POU6F2: variants seen among roughly 807,000 people sequenced by gnomAD.
POU6F2 encodes the protein POU domain, class 6, transcription factor 2.
POU6F2 carries 31 observed loss-of-function variants against 71.3 expected under a neutral mutation model. The observed-to-expected ratio is 0.43, with a 90% CI of 0.33 to 0.59. The LOEUF (loss-of-function observed/expected upper bound fraction) is 0.59, where lower values mean the gene tolerates loss of function less well. Ranked by LOEUF, POU6F2 falls within the 20% of genes least tolerant of loss-of-function variation. POU6F2 has a pLI of 0.04. For synonymous variants in POU6F2, 347 were observed against 355.7 expected (o/e 0.98, Z 0.27); for missense variants, 783 against 856.8 (o/e 0.91, Z 1.07).
At chr7:39,252,702 T>A (rs1000035735) in intron 4 of POU6F2, among the ~76,000 whole-genome samples, 15 of 152,170 alleles carry the variant, frequency 9.9e-5, no homozygotes, top group Non-Finnish European at 2.1e-4. Context: ...TTGTGCTTGC[T>A]GTTCCTTCCC....
At chr7:39,425,175 G>A (rs879295664) in intron 6 of POU6F2, among the ~76,000 whole-genome samples, 5 of 151,900 alleles carry the variant, frequency 3.3e-5, no homozygotes, top group Non-Finnish European at 5.9e-5. Flanking sequence ...ATTAAGATCT[G>A]ATAGAATCTC....
At chr7:39,211,598 A>T (rs184924597) in intron 4 of POU6F2, among the ~76,000 whole-genome samples, 1 of 152,290 alleles carries the variant, frequency 6.6e-6, no homozygotes, top group East Asian at 1.9e-4. Flanking sequence ...CAAGAAAGAG[A>T]TTGATTCCTG....
intron 2 of POU6F2, among the ~76,000 whole-genome samples, chr7:39,196,234 T>C (rs1584595516): frequency 6.6e-6 from 1 of 152,330 alleles, no homozygotes; most frequent in East Asian, 1.9e-4. Flanking sequence ...GTGACACCTT[T>C]CGAATGCTTC....
intron 4 of POU6F2, among the ~76,000 whole-genome samples, chr7:39,295,926 C>T (rs1287071188): frequency 6.6e-6 from 1 of 152,202 alleles, no homozygotes. Flanking sequence ...AGCTGCATTT[C>T]CCTGTTATCA....
chr7:39,126,615 C>T (rs1179052339), intron 2 of POU6F2, among the ~76,000 whole-genome samples: 1 of 152,024 alleles, frequency 6.6e-6, no homozygotes, highest in Non-Finnish European at 1.5e-5. Flanking sequence ...TAAGACTGGC[C>T]TAAGATTTTC....
intron 2 of POU6F2, among the ~76,000 whole-genome samples, chr7:39,164,519 C>A (rs1442683668): frequency 1.3e-5 from 2 of 150,844 alleles, no homozygotes; most frequent in Non-Finnish European, 3.0e-5. Context: ...GGAAGGTCCC[C>A]ATTAGCAATA....
chr7:39,026,477 A>G (rs1305969604), intron 1 of POU6F2, among the ~76,000 whole-genome samples: 2 of 152,156 alleles, frequency 1.3e-5, no homozygotes, highest in African/African-American at 2.4e-5. Flanking sequence ...GGAAATCATC[A>G]TTCTCAGTAA....
intron 4 of POU6F2, among the ~76,000 whole-genome samples, chr7:39,212,927 A>T (rs1265166241): frequency 6.6e-6 from 1 of 152,218 alleles, no homozygotes; most frequent in East Asian, 1.9e-4. Context: ...ATGAAGATAT[A>T]TACAGCCTCG....
At chr7:39,249,908 G>A (rs1783884268) in intron 4 of POU6F2, among the ~76,000 whole-genome samples, 1 of 152,274 alleles carries the variant, frequency 6.6e-6, no homozygotes, top group South Asian at 2.1e-4. Flanking sequence ...AATTTTGCAT[G>A]AGCCTTTCAC....
chr7:39,358,873 T>TAAAAA (rs10626884), intron 5 of POU6F2, among the ~76,000 whole-genome samples: 3 of 134,408 alleles, frequency 2.2e-5, no homozygotes, highest in Non-Finnish European at 3.2e-5. Flanking sequence ...CTTCTGTATT[T>TAAAAA]AAAAAAAAAA....
intron 5 of POU6F2, among the ~76,000 whole-genome samples, chr7:39,377,426 C>CG (rs1371344112): frequency 6.6e-6 from 1 of 152,104 alleles, no homozygotes; most frequent in African/African-American, 2.4e-5. Flanking sequence ...CCACCATGCA[C>CG]GGCCTATAAT....
chr7:39,393,277 G>A (rs982357744), intron 5 of POU6F2, among the ~76,000 whole-genome samples: 1 of 152,054 alleles, frequency 6.6e-6, no homozygotes, highest in Admixed American at 6.6e-5. Context: ...CTACACAGTC[G>A]TATTTTCTCT....
At chr7:39,418,997 G>GTT (rs199709252) in intron 6 of POU6F2, among the ~76,000 whole-genome samples, 34,766 of 130,600 alleles carry the variant, frequency 0.27, 4,893 homozygotes, top group East Asian at 0.51. Flanking sequence ...GTATATATGT[G>GTT]TATATATGTG....
chr7:39,317,886 C>T (rs1373682049), intron 4 of POU6F2, among the ~76,000 whole-genome samples: 1 of 152,100 alleles, frequency 6.6e-6, no homozygotes. Context: ...ATCTCTAATT[C>T]TCATACATTT....
At chr7:39,071,396 G>A (rs946391873) in intron 1 of POU6F2, among the ~76,000 whole-genome samples, 7 of 151,964 alleles carry the variant, frequency 4.6e-5, no homozygotes, top group African/African-American at 1.7e-4. Flanking sequence ...CTTGCCCACC[G>A]CTCTCCTCCT....
chr7:39,239,438 T>G (rs746205754), intron 4 of POU6F2, among the ~76,000 whole-genome samples: 2 of 152,202 alleles, frequency 1.3e-5, no homozygotes, highest in Admixed American at 6.6e-5. Context: ...CCACTTAGTA[T>G]GAAAAGTCAT....
intron 5 of POU6F2, among the ~76,000 whole-genome samples, chr7:39,356,080 G>A (rs1430337172): frequency 2.0e-5 from 3 of 152,192 alleles, no homozygotes; most frequent in Non-Finnish European, 1.5e-5. Context: ...CCAAGGCAGA[G>A]CTATCACCAT....
At chr7:39,225,051 C>G (rs1794435635) in intron 4 of POU6F2, among the ~76,000 whole-genome samples, 1 of 152,168 alleles carries the variant, frequency 6.6e-6, no homozygotes. Context: ...ATAGAAATAC[C>G]ATTTATGAAT....
chr7:39,268,806 G>C (rs1784295201), intron 4 of POU6F2, among the ~76,000 whole-genome samples: 1 of 152,210 alleles, frequency 6.6e-6, no homozygotes, highest in Admixed American at 6.5e-5. Context: ...CTTGACATCA[G>C]GAGAGGGCTA....
Sources: allele counts gnomAD v4.1 joint callset (sites outside exome capture counted in the v4.1 genomes callset), GRCh38; gene constraint gnomAD v4.1.1; transcripts MANE v1.5; gene names NCBI Gene and HGNC (gene_info 2026-07-23, HGNC 2026-07-21).